ABLIM1: variants seen among roughly 807,000 people sequenced by gnomAD.
ABLIM1 encodes the protein actin-binding LIM protein 1.
A neutral mutation model predicts 107.0 loss-of-function variants in ABLIM1; 40 were observed. The ratio of observed to expected loss-of-function variants is 0.37; its 90% confidence interval spans 0.29 to 0.49. The LOEUF (loss-of-function observed/expected upper bound fraction) is 0.49. Among genes scored for constraint, ABLIM1 ranks in the 20% least tolerant of loss-of-function variants. ABLIM1 has a pLI of 0.97. For synonymous variants in ABLIM1, 357 were observed against 357.3 expected, an observed-to-expected ratio of 1.00 and a Z score of 0.01; for missense variants, 857 against 1,008.5, an observed-to-expected ratio of 0.85 and a Z score of 2.04.
intron 11 of ABLIM1, among the ~76,000 whole-genome samples, chr10:114,466,639 C>T (rs1378027731): frequency 2.0e-5 from 3 of 152,096 alleles, no homozygotes; most frequent in African/African-American, 7.2e-5. Context: ...GTACTGTCTA[C>T]GACATTGATC....
intron 1 of ABLIM1, among the ~76,000 whole-genome samples, chr10:114,644,329 A>ATGTG (rs57762748): frequency 5.9e-4 from 68 of 114,942 alleles, no homozygotes; most frequent in African/African-American, 2.2e-3. Flanking sequence ...ATATATATAT[A>ATGTG]TGTGTATATA....
intron 1 of ABLIM1, among the ~76,000 whole-genome samples, chr10:114,713,023 T>G (rs1250593898): frequency 6.6e-6 from 1 of 152,110 alleles, no homozygotes; most frequent in Non-Finnish European, 1.5e-5. Flanking sequence ...TACTCCAGCC[T>G]GACAGACAGA....
the ABLIM1 span, among the ~76,000 whole-genome samples, chr10:114,775,345 T>C: frequency 1.3e-5 from 2 of 152,118 alleles, no homozygotes; most frequent in Admixed American, 1.3e-4. Flanking sequence ...ATTTGAGCAG[T>C]TTGAGAATTA....
At chr10:114,555,499 T>C (rs1488966149) in intron 4 of ABLIM1, among the ~76,000 whole-genome samples, 1 of 152,238 alleles carries the variant, frequency 6.6e-6, no homozygotes, top group African/African-American at 2.4e-5. Flanking sequence ...TTTGTTTCTC[T>C]GGTTCCTGCC....
At chr10:114,700,575 G>A (rs1254547825) in intron 1 of ABLIM1, among the ~76,000 whole-genome samples, 1 of 151,778 alleles carries the variant, frequency 6.6e-6, no homozygotes, top group Non-Finnish European at 1.5e-5. Context: ...ATGTAGTATT[G>A]CCATAATGAA....
intron 4 of ABLIM1, among the ~76,000 whole-genome samples, chr10:114,557,737 G>A (rs1225555022): frequency 7.8e-6 from 1 of 127,670 alleles, no homozygotes; most frequent in African/African-American, 3.0e-5. Flanking sequence ...AAGCTTGAGA[G>A]TTAGGATAGT....
intron 1 of ABLIM1, among the ~76,000 whole-genome samples, chr10:114,602,605 G>A (rs1591527277): frequency 6.6e-6 from 1 of 152,274 alleles, no homozygotes; most frequent in East Asian, 1.9e-4. Context: ...TGTGCATAGT[G>A]TCTGATACAC....
intron 1 of ABLIM1, among the ~76,000 whole-genome samples, chr10:114,701,216 T>C (rs1473508412): frequency 6.6e-6 from 1 of 152,116 alleles, no homozygotes; most frequent in African/African-American, 2.4e-5. Context: ...ATGAGGTAAA[T>C]GCAAAGTAAA....
chr10:114,574,008 C>T (rs1288958224), intron 3 of ABLIM1, among the ~76,000 whole-genome samples: 2 of 152,136 alleles, frequency 1.3e-5, no homozygotes, highest in South Asian at 2.1e-4. Flanking sequence ...GAGAAATGAG[C>T]TAATACATAG....
chr10:114,480,608 T>C (rs903634340), intron 8 of ABLIM1, among the ~76,000 whole-genome samples: 5 of 152,210 alleles, frequency 3.3e-5, no homozygotes, highest in East Asian at 1.9e-4. Context: ...GCAAGGTAGA[T>C]AGATACAGAA....
rs190293473 is a variant in ABLIM1 at position 114,456,903 on chromosome 10, C to A, written c.1442-3420G>T. 2.3e-3 allele frequency among the ~76,000 whole-genome samples: 338 copies of A among 145,918 alleles called. 2 individuals carry two copies. Among genetic ancestry groups the A allele is most frequent in the Admixed American group, 3.8e-3 (55 of 14,456 alleles). ...TCTATATTAGGCTGGATGTCTTCAG[C>A]AAACATTCACCTCTCTAGTTGTTTT... On this transcript the variant is annotated intron_variant, in intron 12 of 22. Transcript: ENST00000533213.
At chr10:114,560,131 C>T (rs2069468883) in intron 4 of ABLIM1, among the ~76,000 whole-genome samples, 1 of 152,146 alleles carries the variant, frequency 6.6e-6, no homozygotes, top group African/African-American at 2.4e-5. Context: ...TTAGCAAACT[C>T]CCCTTAAAAT....
intron 1 of ABLIM1, among the ~76,000 whole-genome samples, chr10:114,664,652 T>C (rs1399545988): frequency 2.0e-5 from 3 of 151,754 alleles, no homozygotes; most frequent in Non-Finnish European, 2.9e-5. Context: ...CAAGCAACTC[T>C]CCTGCCTCAG....
intron 1 of ABLIM1, among the ~76,000 whole-genome samples, chr10:114,607,811 C>T (rs527944380): frequency 1.2e-4 from 19 of 152,274 alleles, no homozygotes; most frequent in East Asian, 1.2e-3. Flanking sequence ...GAGGAGCCTA[C>T]GGAGATGTGA....
intron 8 of ABLIM1, 48 bp downstream of exon 8, chr10:114,487,910 G>C (rs371914302): frequency 1.2e-6 from 2 of 1,600,018 alleles, no homozygotes; most frequent in East Asian, 2.2e-5. Flanking sequence ...GACCACGAGC[G>C]TATGGCCTAC....
intron 1 of ABLIM1, among the ~76,000 whole-genome samples, chr10:114,730,114 G>C (rs1314279922): frequency 6.6e-6 from 1 of 152,044 alleles, no homozygotes; most frequent in Non-Finnish European, 1.5e-5. Flanking sequence ...ATTCTACTTA[G>C]GAGCTGGGTG....
intron 1 of ABLIM1, among the ~76,000 whole-genome samples, chr10:114,693,624 G>T (rs904493860): frequency 6.6e-6 from 1 of 151,756 alleles, no homozygotes; most frequent in Non-Finnish European, 1.5e-5. Context: ...AATTTTAAGC[G>T]TTTTTTCTTT....
chr10:114,675,008 G>A (rs1240183545), intron 1 of ABLIM1, among the ~76,000 whole-genome samples: 1 of 152,052 alleles, frequency 6.6e-6, no homozygotes, highest in Non-Finnish European at 1.5e-5. Flanking sequence ...TCATATAATG[G>A]TAGAAAGTCC....
chr10:114,763,511 C>T (rs1388960414), intron 1 of ABLIM1, among the ~76,000 whole-genome samples: 2 of 151,888 alleles, frequency 1.3e-5, no homozygotes, highest in Admixed American at 6.6e-5. Flanking sequence ...CCTCAGCCCC[C>T]GAGTAGCTGG....
Sources: allele counts gnomAD v4.1 joint callset (sites outside exome capture counted in the v4.1 genomes callset), GRCh38; gene constraint gnomAD v4.1.1; transcripts MANE v1.5; gene names NCBI Gene and HGNC (gene_info 2026-07-23, HGNC 2026-07-21).